CACNA1F: variants seen among roughly 807,000 people sequenced by gnomAD.
The protein encoded by CACNA1F is calcium voltage-gated channel subunit alpha1 F, also known as voltage-dependent L-type calcium channel subunit alpha-1F.
CACNA1F carries 59 observed loss-of-function variants against 143.8 expected under a neutral mutation model. That is an observed-to-expected ratio of 0.41 (90% CI 0.33 to 0.51). The LOEUF (loss-of-function observed/expected upper bound fraction) is 0.51, where lower values mean the gene tolerates loss of function less well. Ranked by LOEUF, CACNA1F falls within the 20% of genes least tolerant of loss-of-function variation. The pLI is 0.22. For missense variants in CACNA1F, 1,411 were observed against 1,647.5 expected (o/e 0.86, Z 2.48); for synonymous variants, 643 against 649.1 (o/e 0.99, Z 0.14).
At position 49,230,257 on chromosome X, in the gene CACNA1F, A is replaced by G; in HGVS notation, c.780T>C (p.Leu260=). 8.3e-7 allele frequency: 1 copy of G among 1,207,556 alleles called. No homozygotes were observed. The highest frequency in any genetic ancestry group is 1.1e-6 in the Non-Finnish European group (1 of 893,073). The change falls in exon 6 of 48, where the codon CTT becomes CTC. Residue 260 remains leucine, a synonymous_variant. Transcript: ENST00000323022. ...AGTAGCACGTCTTGTGCATTCGTCC[A>G]AGGAACAGCTCGAGCCCAATGATGG... ...IYAIIGLELF[L]GRMHKTCYFL... is the part of the protein sequence containing the mutation.
chrX:49,205,818 G>A lies in CACNA1F; in HGVS notation c.5473-5C>T, dbSNP rs1557104757. The A allele has an allele frequency of 5.0e-6, 6 of 1,194,760 alleles. No individual in the cohort carries two copies. Among genetic ancestry groups the A allele is most frequent in the Non-Finnish European group, 6.8e-6 (6 of 886,271 alleles). On this transcript the variant is annotated splice_region_variant and splice_polypyrimidine_tract_variant and intron_variant, in intron 46 of 47. Coordinates refer to ENST00000323022, the MANE Select transcript of CACNA1F (RefSeq NM_001256789.3). ...AGGTGGTGTTGCCCAGGAACCCTGA[G>A]CCAGAATAAACATCAGAGGGGCAGG...
chrX:49,211,856 C>T, intron 35 of CACNA1F, 42 bp downstream of exon 35: 1 of 1,101,035 alleles, frequency 9.1e-7, no homozygotes, highest in Non-Finnish European at 1.3e-6. Context: ...GGTGGGTGGG[C>T]ACCCACGGGC....
chrX:49,221,223 C>G (rs1385539188), intron 17 of CACNA1F, 143 bp from the exon 18 acceptor site: 1 of 516,657 alleles, frequency 1.9e-6, no homozygotes, highest in Non-Finnish European at 3.4e-6. Flanking sequence ...CTCAAAGCAG[C>G]CAGAGGGAGC....
intron 11 of CACNA1F, 21 bp downstream of exon 11, chrX:49,226,388 T>C (rs372998647): frequency 1.7e-6 from 2 of 1,171,341 alleles, no homozygotes; most frequent in African/African-American, 3.5e-5. Flanking sequence ...CTGGGCTGGG[T>C]CAGGGGCTGG....
At position 49,219,617 on chromosome X, in the gene CACNA1F, C is replaced by A. The variant is rs1557108356; in HGVS notation, c.2543+17G>T. Reference sequence around the variant, plus strand: ...CTAGCCCCTCCTGCCTCACCCCCTGCCACTTCCGGCACTCACGGGTTGGTT... The same window carrying A: ...CTAGCCCCTCCTGCCTCACCCCCTGACACTTCCGGCACTCACGGGTTGGTT... On this transcript the variant is annotated intron_variant, in intron 20 of 47. Transcript: ENST00000323022. 2 of 1,195,966 alleles carry A rather than the reference C, an allele frequency of 1.7e-6. No individual in the cohort carries two copies. Among genetic ancestry groups the A allele is most frequent in the South Asian group, 3.7e-5 (2 of 54,693 alleles).
chrX:49,229,763 C>G (rs2065859090), intron 6 of CACNA1F, among the ~76,000 whole-genome samples: 1 of 109,755 alleles, frequency 9.1e-6, no homozygotes, highest in African/African-American at 3.5e-5. Flanking sequence ...ATTCTCCTGC[C>G]TCAGCCTCCC....
rs782333315 is a variant in CACNA1F, at chrX:49,205,405, C to T, written c.5671-38G>A. On this transcript the variant is annotated intron_variant, in intron 47 of 47. Coordinates refer to ENST00000323022, the MANE Select transcript of CACNA1F (RefSeq NM_001256789.3). Reference sequence around the variant, plus strand: ...GTGGGATCAGTGTTGACGGACGGCACAGTGTGCACAGAAGGTTCAGTGTGG... The same window carrying T: ...GTGGGATCAGTGTTGACGGACGGCATAGTGTGCACAGAAGGTTCAGTGTGG... The T allele has an allele frequency of 8.0e-5, 80 of 999,940 alleles. 1 individual carries two copies. The South Asian group carries it at 1.6e-3, about 20-fold the overall frequency. The allele number at this position is 999,940 out of a possible 1,213,427, so 82.4% of individuals were successfully genotyped here. A position where few individuals can be genotyped will look rare whatever the true frequency, so the allele number is the denominator to read the frequency against.
chrX:49,208,406 T>C (rs1383715222), intron 43 of CACNA1F, 109 bp downstream of exon 43: 4 of 577,702 alleles, frequency 6.9e-6, no homozygotes, highest in African/African-American at 6.8e-5. Context: ...CTTGAAGGCC[T>C]CTAGGCCCTC....
intron 1 of CACNA1F, 62 bp downstream of exon 1, chrX:49,233,223 G>A (rs1557111672): frequency 1.7e-6 from 2 of 1,173,511 alleles, no homozygotes; most frequent in Admixed American, 4.4e-5. Flanking sequence ...GGTGGGCAAT[G>A]GGTGGGTCAG....
rs782200766 is a variant in CACNA1F at position 49,217,799 on chromosome X, G to A, written c.3045C>T (p.Phe1015=). The A allele has an allele frequency of 1.7e-6, 2 of 1,206,298 alleles. No homozygotes were observed. Among genetic ancestry groups the A allele is most frequent in the East Asian group, 5.9e-5 (2 of 33,724 alleles). The change falls in exon 26 of 48, where the codon TTC becomes TTT. Residue 1015 remains phenylalanine, a synonymous_variant. Transcript: ENST00000323022. ...GTTTGGCCTCGTCCGTGCAGGTGTA[G>A]AATTTCCCCTGTAGAGAGGATGTCT... is the stretch of plus-strand genomic sequence containing the variant. ...CIGVQLFKGK[F]YTCTDEAKHT...
At chrX:49,205,911 C>A (rs1349821249) in intron 46 of CACNA1F, 98 bp from the exon 47 acceptor site, 4 of 762,732 alleles carry the variant, frequency 5.2e-6, no homozygotes, top group Non-Finnish European at 7.8e-6. Flanking sequence ...CAGTATACAA[C>A]TGGAGTGAAA....
rs1444568713 is a variant in CACNA1F at position 49,213,809 on chromosome X, C to A, written c.3792+10G>T. On this transcript the variant is annotated intron_variant, in intron 31 of 47. Transcript: ENST00000323022. ...GGCGAGAGTGGATTAGTGGAAAGGC[C>A]AGTTCTCACATTGACTTCAGTGACG... is the stretch of plus-strand genomic sequence containing the variant. 8.8e-7 allele frequency: 1 copy of A among 1,142,399 alleles called. No homozygotes were observed. The highest frequency in any genetic ancestry group is 1.8e-5 in the African/African-American group (1 of 55,850). 94.1% of individuals were successfully genotyped at this position (1,142,399 alleles called of 1,213,427 possible). A position where few individuals can be genotyped will look rare whatever the true frequency, so the allele number is the denominator to read the frequency against.
chrX:49,210,355 A>C lies in CACNA1F; in HGVS notation c.4534T>G (p.Phe1512Val). Reference protein sequence around the residue: ...MPLNSDGTVTFNATLFALVRT... With the variant: ...MPLNSDGTVTVNATLFALVRT... ...ACCAGGGCAAAGAGTGTGGCGTTGA[A>C]TGTCACCGTCCCATCTGAGTTGAGG... Residue 1512 changes from phenylalanine to valine, a missense_variant, in exon 39 of 48, where the codon TTC becomes GTC. Physicochemically the swap from Phe to Val is conservative, Grantham distance 50. Around this residue, in one of 3 missense-constraint regions of CACNA1F, gnomAD observed 112 missense variants for 169.2 expected, o/e 0.66. Transcript: ENST00000323022. 8.3e-7 allele frequency: 1 copy of C among 1,209,125 alleles called. No individual in the cohort carries two copies. The highest frequency in any genetic ancestry group is 1.1e-6 in the Non-Finnish European group (1 of 893,226).
chrX:49,208,567 T>G lies in CACNA1F; in HGVS notation c.5071A>C (p.Thr1691Pro), dbSNP rs1198251463. 8.3e-7 allele frequency: 1 copy of G among 1,208,503 alleles called. No homozygotes were observed. Among genetic ancestry groups the G allele is most frequent in the East Asian group, 3.0e-5 (1 of 33,778 alleles). Residue 1691 changes from threonine (T) to proline (P), a missense_variant, in exon 43 of 48, where the codon ACT becomes CCT. By Grantham distance (38) the Thr-to-Pro change is conservative. Coordinates refer to ENST00000323022, the MANE Select transcript of CACNA1F (RefSeq NM_001256789.3). ...ACACTGGGCTGACTGGAGGTGGGAG[T>G]CCCCCTGTCATCATCACTGGGCCCA... ...SFGPSDDDRGTPTSSQPSVPQ... is the reference protein window; with the variant it reads ...SFGPSDDDRGPPTSSQPSVPQ...
chrX:49,213,765 G>T (rs2065680966), intron 31 of CACNA1F, 54 bp downstream of exon 31: 1 of 864,422 alleles, frequency 1.2e-6, no homozygotes, highest in Admixed American at 2.2e-5. Context: ...CCGGGATAGA[G>T]GTGAGGGAAG....
chrX:49,209,675 C>T lies in CACNA1F; in HGVS notation c.4775G>A (p.Gly1592Glu), dbSNP rs1557105752. Residue 1592 changes from glycine to glutamate, a missense_variant, in exon 41 of 48, where the codon GGG becomes GAG. Physicochemically the swap from Gly to Glu is moderately conservative, Grantham distance 98. Transcript: ENST00000323022. The part of the protein sequence containing the change: ...FRKFRRRKEK[G>E]LLGNDAAPST... ...AGGGGCGGCGTCGTTGCCTAGTAGC[C>T]CTTTTTCTTTCCTCCGCCGGAATTT... 1.7e-6 allele frequency: 2 copies of T among 1,211,120 alleles called. No homozygotes were observed. Among genetic ancestry groups the T allele is most frequent in the South Asian group, 3.5e-5 (2 of 56,832 alleles).
intron 35 of CACNA1F, 97 bp downstream of exon 35, chrX:49,211,801 C>A: frequency 1.5e-6 from 1 of 680,518 alleles, no homozygotes; most frequent in African/African-American, 2.1e-5. Flanking sequence ...GAGCCCCATG[C>A]TGCCATATTA....
chrX:49,218,845 G>A, intron 22 of CACNA1F, 37 bp downstream of exon 22: 1 of 1,143,198 alleles, frequency 8.7e-7, no homozygotes, highest in Admixed American at 2.2e-5. Context: ...GAGAGTGCCA[G>A]GGCAACTGAG....
chrX:49,205,878 CCGCTGTGCCTACTT>C, intron 46 of CACNA1F, 65 bp from the exon 47 acceptor site: 3 of 956,599 alleles, frequency 3.1e-6, no homozygotes, highest in Non-Finnish European at 4.4e-6. Flanking sequence ...CTAGGACTCA[CCGCTGTGCCTACTT>C]CTTTCCCTCA....
Sources: allele counts gnomAD v4.1 joint callset (sites outside exome capture counted in the v4.1 genomes callset), GRCh38; gene constraint gnomAD v4.1.1; regional missense constraint gnomAD v4.1.1; transcripts MANE v1.5; gene names NCBI Gene and HGNC (gene_info 2026-07-23, HGNC 2026-07-21).